The following RARB variants were observed in gnomAD, a reference collection of about 807,000 sequenced individuals.
The protein encoded by RARB is HBV-activated protein.
RARB carries 17 observed loss-of-function variants against 51.9 expected under a neutral mutation model. The observed-to-expected ratio is 0.33, with a 90% CI of 0.22 to 0.49. The LOEUF (loss-of-function observed/expected upper bound fraction) is 0.49, where lower values mean the gene tolerates loss of function less well. Ranked by LOEUF, RARB falls within the 20% of genes least tolerant of loss-of-function variation. The pLI, the probability that RARB is intolerant of heterozygous loss-of-function variation, is 0.99. For synonymous variants in RARB, 215 were observed against 195.4 expected (o/e 1.10, Z -0.84); for missense variants, 369 against 550.8 (o/e 0.67, Z 3.30).
At chr3:24,950,726 A>AAGT (rs1553616810) in intron 2 of RARB, among the ~76,000 whole-genome samples, 15,265 of 149,388 alleles carry the variant, frequency 0.1, 2,061 homozygotes, top group African/African-American at 0.3. Flanking sequence ...AAAAAAAAAA[A>AAGT]AGGTGATTTG....
rs558114583 is a variant in RARB, at chr3:25,474,428, A to G, written c.306+13087A>G. 1.8e-4 allele frequency among the ~76,000 whole-genome samples: 28 copies of G among 152,354 alleles called. No individual in the cohort carries two copies. In the East Asian group the frequency reaches 5.4e-3, roughly 29 times the overall value. On this transcript the variant is annotated intron_variant, in intron 2 of 7. Coordinates refer to ENST00000330688, the MANE Select transcript of RARB (RefSeq NM_000965.5). ...TATGTGTCATTCCTCATTAACATAA[A>G]TAAATTCAGAATAATAGCATGAGGT...
chr3:25,210,369 C>T (rs1242048117), intron 5 of RARB, among the ~76,000 whole-genome samples: 1 of 151,892 alleles, frequency 6.6e-6, no homozygotes, highest in South Asian at 2.1e-4. Flanking sequence ...GACCACAGGC[C>T]AAATCCATTG....
intron 2 of RARB, among the ~76,000 whole-genome samples, chr3:24,874,951 A>G (rs919212787): frequency 1.3e-5 from 2 of 152,100 alleles, no homozygotes; most frequent in African/African-American, 4.8e-5. Context: ...GAAATAGACA[A>G]TTATGCCTAA....
chr3:25,147,210 G>A (rs1700207702), intron 4 of RARB, among the ~76,000 whole-genome samples: 1 of 152,086 alleles, frequency 6.6e-6, no homozygotes, highest in Admixed American at 6.6e-5. Context: ...ATTTTAACAA[G>A]CACTCTAGGT....
chr3:25,323,340 C>T (rs1223491780), intron 5 of RARB, among the ~76,000 whole-genome samples: 1 of 152,164 alleles, frequency 6.6e-6, no homozygotes, highest in Non-Finnish European at 1.5e-5. Context: ...AGAGCAATTG[C>T]TGTGGTCATT....
rs1366151676 is a variant in RARB at position 25,597,362 on chromosome 3, TTTAAA to T, written c.*752_*756del. On this transcript the variant is annotated 3_prime_UTR_variant, in exon 8 of 8. Coordinates refer to ENST00000330688, the MANE Select transcript of RARB (RefSeq NM_000965.5). ...TCATTTGTTCAATTGTTAATGTCAC[TTTAAA>T]TTAAAAGTGGTTTATTACTTGTTTA... 14 of 152,638 alleles carry T rather than the reference TTTAAA, an allele frequency of 9.2e-5. No individual in the cohort carries two copies. The highest frequency in any genetic ancestry group is 7.2e-4 in the Admixed American group (11 of 15,288). 9.5% of individuals were successfully genotyped at this position (152,638 alleles called of 1,614,324 possible). A position where few individuals can be genotyped will look rare whatever the true frequency, so the allele number is the denominator to read the frequency against.
chr3:25,542,239 C>T (rs1197983440), intron 3 of RARB, among the ~76,000 whole-genome samples: 2 of 152,192 alleles, frequency 1.3e-5, no homozygotes, highest in Non-Finnish European at 2.9e-5. Context: ...AGAGCTGTGG[C>T]TTACAGGCCA....
At chr3:25,473,351 C>T (rs1281732521) in intron 2 of RARB, among the ~76,000 whole-genome samples, 2 of 151,988 alleles carry the variant, frequency 1.3e-5, no homozygotes, top group African/African-American at 4.8e-5. Flanking sequence ...GCATCTCTGC[C>T]TGTACAAAGC....
intron 5 of RARB, among the ~76,000 whole-genome samples, chr3:25,247,506 T>C (rs1364813432): frequency 1.3e-5 from 2 of 152,190 alleles, no homozygotes; most frequent in Non-Finnish European, 2.9e-5. Flanking sequence ...GGGAAAAGCC[T>C]AGTATCTGGG....
In RARB at chr3:24,882,443, G is replaced by C. The variant is rs181060410; in HGVS notation, c.-380+23691G>C. Among the ~76,000 whole-genome samples the C allele has an allele frequency of 1.1e-3, 168 of 152,302 alleles. 1 individual carries two copies. Among genetic ancestry groups the C allele is most frequent in the Non-Finnish European group, 1.7e-3 (113 of 68,026 alleles). ...TGATTTGAAGTATATGGAAGGGTAG[G>C]CATAGGTGACACACAAATGCTATAT... is the stretch of plus-strand genomic sequence containing the variant. On this transcript the variant is annotated intron_variant, in intron 2 of 11. Transcript: ENST00000383772.
intron 5 of RARB, among the ~76,000 whole-genome samples, chr3:25,357,106 G>T (rs1017160163): frequency 6.6e-6 from 1 of 152,130 alleles, no homozygotes; most frequent in South Asian, 2.1e-4. Context: ...TCCCACAATG[G>T]TTGAACTAAT....
intron 5 of RARB, among the ~76,000 whole-genome samples, chr3:25,407,949 G>A (rs1328059223): frequency 6.6e-6 from 1 of 152,158 alleles, no homozygotes; most frequent in Non-Finnish European, 1.5e-5. Context: ...TAGCAGGATC[G>A]AACTCCAGTT....
At chr3:25,578,345 G>A (rs765440122) in intron 4 of RARB, among the ~76,000 whole-genome samples, 3 of 152,200 alleles carry the variant, frequency 2.0e-5, no homozygotes, top group Admixed American at 6.5e-5. Context: ...TTTACATGCC[G>A]TTAAGACGGC....
intron 1 of RARB, among the ~76,000 whole-genome samples, chr3:24,858,447 C>T (rs1393259554): frequency 3.9e-5 from 6 of 152,132 alleles, no homozygotes; most frequent in African/African-American, 4.8e-5. Context: ...TGTACCCTAT[C>T]GTGTGATTCC....
At chr3:25,596,004 C>A (rs1222836079) in intron 7 of RARB, among the ~76,000 whole-genome samples, 1 of 152,182 alleles carries the variant, frequency 6.6e-6, no homozygotes, top group African/African-American at 2.4e-5. Flanking sequence ...AGGATAGCCT[C>A]TGGGAGGCAT....
intron 2 of RARB, among the ~76,000 whole-genome samples, chr3:25,043,414 A>T (rs963922820): frequency 5.9e-5 from 9 of 152,246 alleles, no homozygotes; most frequent in African/African-American, 2.2e-4. Flanking sequence ...CACACTTCAG[A>T]GGCTTGTAAC....
At chr3:25,428,222 G>C, upstream of RARB, 1 of 1,230,006 alleles carries the variant, frequency 8.1e-7, no homozygotes, top group Non-Finnish European at 1.0e-6. Context: ...TTCACCGAAA[G>C]TTCACTCGCA....
intron 2 of RARB, among the ~76,000 whole-genome samples, chr3:24,931,295 C>G (rs1695434779): frequency 6.6e-6 from 1 of 152,058 alleles, no homozygotes; most frequent in African/African-American, 2.4e-5. Flanking sequence ...GCCTGAAAAT[C>G]TCCTATTCCT....
intron 5 of RARB, among the ~76,000 whole-genome samples, chr3:25,244,926 T>A (rs1702521421): frequency 6.6e-6 from 1 of 152,178 alleles, no homozygotes; most frequent in African/African-American, 2.4e-5. Context: ...CCCACTGTTA[T>A]TGTGTGGGAG....
Sources: gnomAD v4.1 joint callset for allele counts (sites outside exome capture counted in the v4.1 genomes callset) on GRCh38, gnomAD v4.1.1 for gene constraint, MANE v1.5 for transcripts, NCBI Gene and HGNC (gene_info 2026-07-23, HGNC 2026-07-21) for gene names.